FTO: variants seen among roughly 807,000 people sequenced by gnomAD.
The protein encoded by FTO is alpha-ketoglutarate-dependent dioxygenase FTO.
A neutral mutation model predicts 63.9 loss-of-function variants in FTO; 47 were observed. That is an observed-to-expected ratio of 0.74 (90% CI 0.58 to 0.94). FTO has a LOEUF of 0.94. Among genes scored for constraint, FTO ranks in the 40% least tolerant of loss-of-function variants. The pLI, the probability that FTO is intolerant of heterozygous loss-of-function variation, is 0.00. For synonymous variants in FTO, 207 were observed against 224.4 expected (o/e 0.92, Z 0.69); for missense variants, 562 against 618.1 (o/e 0.91, Z 0.96).
intron 7 of FTO, chr16:53,911,630 A>C (rs1340696754): frequency 1.6e-6 from 1 of 626,820 alleles, no homozygotes; most frequent in Non-Finnish European, 2.9e-6. Context: ...GAGGAAGTGC[A>C]CTGTAGCCAG....
At chr16:53,784,702 AG>A (rs546760633) in intron 1 of FTO, among the ~76,000 whole-genome samples, 98 of 152,362 alleles carry the variant, frequency 6.4e-4, no homozygotes, top group East Asian at 5.6e-3. Flanking sequence ...ATTGCCAAGT[AG>A]GTTTCATTAC....
chr16:53,751,428 A>G (rs563283058), intron 1 of FTO, among the ~76,000 whole-genome samples: 1 of 152,280 alleles, frequency 6.6e-6, no homozygotes, highest in Non-Finnish European at 1.5e-5. Flanking sequence ...ACTGCACTCC[A>G]GCCTGGGCTA....
intron 1 of FTO, among the ~76,000 whole-genome samples, chr16:53,745,833 C>T (rs1466998038): frequency 1.3e-5 from 2 of 152,132 alleles, no homozygotes; most frequent in Non-Finnish European, 2.9e-5. Flanking sequence ...AATGTGATCC[C>T]AGATATGACT....
intron 7 of FTO, among the ~76,000 whole-genome samples, chr16:53,931,871 A>C (rs955408160): frequency 6.2e-5 from 9 of 145,688 alleles, no homozygotes; most frequent in African/African-American, 2.0e-4. Flanking sequence ...TTTTACATTA[A>C]ACACACACAC....
chr16:54,082,805 C>G (rs528235997), intron 8 of FTO, among the ~76,000 whole-genome samples: 1 of 152,184 alleles, frequency 6.6e-6, no homozygotes, highest in Non-Finnish European at 1.5e-5. Context: ...ACCCGCCATG[C>G]TGCTTCAGAA....
chr16:53,996,621 T>C (rs2083937512), intron 8 of FTO, among the ~76,000 whole-genome samples: 1 of 152,056 alleles, frequency 6.6e-6, no homozygotes, highest in African/African-American at 2.4e-5. Context: ...TTGTATTAGC[T>C]CTTATGCTGC....
At chr16:53,967,910 G>T (rs1285065490) in intron 8 of FTO, among the ~76,000 whole-genome samples, 1 of 152,198 alleles carries the variant, frequency 6.6e-6, no homozygotes, top group Non-Finnish European at 1.5e-5. Context: ...GAATGGAGTT[G>T]TGTGGTTTAA....
intron 7 of FTO, among the ~76,000 whole-genome samples, chr16:53,894,380 G>A (rs1567408556): frequency 6.6e-6 from 1 of 152,118 alleles, no homozygotes; most frequent in African/African-American, 2.4e-5. Flanking sequence ...TTTTTGGAGA[G>A]ATTAATGAAG....
chr16:53,923,871 C>T (rs1021325992), intron 7 of FTO, among the ~76,000 whole-genome samples: 6 of 151,980 alleles, frequency 3.9e-5, no homozygotes, highest in Non-Finnish European at 8.8e-5. Flanking sequence ...ACATGACTGT[C>T]CCCGAGAGTT....
intron 4 of FTO, among the ~76,000 whole-genome samples, chr16:53,850,109 A>G (rs1327905862): frequency 6.6e-6 from 1 of 152,248 alleles, no homozygotes; most frequent in Non-Finnish European, 1.5e-5. Context: ...AGGCAAGGGA[A>G]TAATACAGAA....
rs962531949 is a variant in FTO, at chr16:54,058,561, G to T, written c.1365-53201G>T. Among the ~76,000 whole-genome samples the T allele has an allele frequency of 2.0e-5, 3 of 152,192 alleles. No individual in the cohort carries two copies. The South Asian group carries it at 6.2e-4, about 31-fold the overall frequency. Reference sequence around the variant, plus strand: ...TCCCGTCAAGAGGTGCCCAGGTTTAGAGATGACTTCAAGGAGGAGGAAAGC... The same window carrying T: ...TCCCGTCAAGAGGTGCCCAGGTTTATAGATGACTTCAAGGAGGAGGAAAGC... On this transcript the variant is annotated intron_variant, in intron 8 of 8. Coordinates refer to ENST00000471389, the MANE Select transcript of FTO (RefSeq NM_001080432.3).
intron 7 of FTO, 134 bp downstream of exon 7, chr16:53,889,085 T>C (rs1173504998): frequency 1.9e-6 from 2 of 1,061,338 alleles, no homozygotes; most frequent in South Asian, 1.3e-5. Flanking sequence ...GGTAAGGTGA[T>C]GGGTATAGCC....
At chr16:54,100,141 A>C (rs1413778633) in intron 8 of FTO, among the ~76,000 whole-genome samples, 1 of 152,196 alleles carries the variant, frequency 6.6e-6, no homozygotes, top group Non-Finnish European at 1.5e-5. Flanking sequence ...ACAAGGGCCC[A>C]AATGATTCTC....
chr16:53,735,683 T>C (rs2076376874), intron 1 of FTO, among the ~76,000 whole-genome samples: 1 of 152,110 alleles, frequency 6.6e-6, no homozygotes, highest in Non-Finnish European at 1.5e-5. Context: ...CATAGCAGAG[T>C]GTAAATGGCA....
intron 8 of FTO, chr16:53,999,641 G>C (rs1160341065): frequency 6.6e-6 from 1 of 152,238 alleles, no homozygotes; most frequent in African/African-American, 2.4e-5. Flanking sequence ...GCAGATGGAT[G>C]CTGGCCAGTA....
At chr16:54,062,302 C>A (rs1247764122) in intron 8 of FTO, among the ~76,000 whole-genome samples, 2 of 152,156 alleles carry the variant, frequency 1.3e-5, no homozygotes, top group South Asian at 4.1e-4. Flanking sequence ...CGTGATAGTT[C>A]AGATTGACAG....
At chr16:53,865,781 C>G (rs1329142727) in intron 4 of FTO, among the ~76,000 whole-genome samples, 1 of 152,138 alleles carries the variant, frequency 6.6e-6, no homozygotes, top group African/African-American at 2.4e-5. Flanking sequence ...TATGAAACTG[C>G]CAGTCAGATT....
chr16:53,917,039 A>T (rs909472851), intron 7 of FTO, among the ~76,000 whole-genome samples: 9 of 152,112 alleles, frequency 5.9e-5, no homozygotes, highest in African/African-American at 1.2e-4. Context: ...ACCAGTGGAG[A>T]CTGTCTGTGA....
chr16:54,037,766 T>C (rs1166519795), intron 8 of FTO, among the ~76,000 whole-genome samples: 1 of 152,248 alleles, frequency 6.6e-6, no homozygotes, highest in African/African-American at 2.4e-5. Context: ...GAAATGCATA[T>C]GATATACCAT....
Sources: allele counts gnomAD v4.1 joint callset (sites outside exome capture counted in the v4.1 genomes callset), GRCh38; gene constraint gnomAD v4.1.1; transcripts MANE v1.5; gene names NCBI Gene and HGNC (gene_info 2026-07-23, HGNC 2026-07-21).